Variants in SHTN1 observed in about 807,000 individuals in gnomAD.
SHTN1 encodes the protein shootin 1.
In SHTN1, 42 loss-of-function variants were observed where a neutral mutation model predicts 83.1. The observed-to-expected ratio is 0.51, with a 90% CI of 0.39 to 0.65. The LOEUF (loss-of-function observed/expected upper bound fraction) is 0.65, where lower values mean the gene tolerates loss of function less well. Ranked by LOEUF, SHTN1 falls within the 30% of genes least tolerant of loss-of-function variation. The pLI, the probability that SHTN1 is intolerant of heterozygous loss-of-function variation, is 0.00. For missense variants in SHTN1, 622 were observed against 737.8 expected, an observed-to-expected ratio of 0.84 and a Z score of 1.82; for synonymous variants, 224 against 247.7, an observed-to-expected ratio of 0.90 and a Z score of 0.90.
At chr10:116,978,223 G>C (rs937521542) in intron 2 of SHTN1, among the ~76,000 whole-genome samples, 1 of 152,070 alleles carries the variant, frequency 6.6e-6, no homozygotes, top group Non-Finnish European at 1.5e-5. Flanking sequence ...TAGTGAAAAA[G>C]TTAAATATAA....
rs369719792 is a variant in SHTN1 at position 116,974,630 on chromosome 10, A to T, written c.111+4626T>A. 5.9e-5 allele frequency among the ~76,000 whole-genome samples: 9 copies of T among 152,300 alleles called. No homozygotes were observed. The East Asian group carries it at 9.6e-4, about 16-fold the overall frequency. ...CAGTAGCTCACCCAAACGACTTCTA[A>T]TCAGCCACTTAAACATTTATGCATT... On this transcript the variant is annotated intron_variant, in intron 2 of 16. Coordinates refer to ENST00000355371, the MANE Select transcript of SHTN1 (RefSeq NM_001127211.3).
At position 116,960,339 on chromosome 10, in the gene SHTN1, GACCTTTAGCTATC is replaced by G; in HGVS notation, c.173-122_173-110del. On this transcript the variant is annotated intron_variant, in intron 3 of 16. Coordinates refer to ENST00000355371, the MANE Select transcript of SHTN1 (RefSeq NM_001127211.3). ...AATACTTCAATTCTTTGGCTAGCCA[GACCTTTAGCTATC>G]ACTGAAAAAAGGTTTTTGAGAAGCT... is the stretch of plus-strand genomic sequence containing the variant. 6.3e-6 allele frequency: 4 copies of G among 629,952 alleles called. No individual in the cohort carries two copies. In the South Asian group the frequency reaches 8.3e-5, roughly 13 times the overall value. 39.0% of individuals were successfully genotyped at this position (629,952 alleles called of 1,614,324 possible).
chr10:116,928,329 A>C (rs1848820100), intron 10 of SHTN1, among the ~76,000 whole-genome samples: 1 of 152,176 alleles, frequency 6.6e-6, no homozygotes, highest in Non-Finnish European at 1.5e-5. Flanking sequence ...CCCCTGCTTA[A>C]TTTCCTTCAA....
chr10:117,028,789 AG>A (rs1231845217), intron 2 of SHTN1, among the ~76,000 whole-genome samples: 1 of 152,194 alleles, frequency 6.6e-6, no homozygotes, highest in Non-Finnish European at 1.5e-5. Flanking sequence ...CAGAGGATGC[AG>A]GAAAAAGCCT....
intron 2 of SHTN1, among the ~76,000 whole-genome samples, chr10:117,034,606 A>C (rs1176302823): frequency 6.6e-6 from 1 of 151,956 alleles, no homozygotes; most frequent in Non-Finnish European, 1.5e-5. Flanking sequence ...GTACCACTGA[A>C]CTCTAGCCTG....
intron 8 of SHTN1, among the ~76,000 whole-genome samples, chr10:116,944,627 G>A (rs891466461): frequency 1.3e-5 from 2 of 152,216 alleles, no homozygotes; most frequent in South Asian, 2.1e-4. Flanking sequence ...GGCTGGGCAC[G>A]GTGGCTCACT....
chr10:116,991,894 C>T (rs1327555459), intron 1 of SHTN1, among the ~76,000 whole-genome samples: 1 of 152,162 alleles, frequency 6.6e-6, no homozygotes, highest in Admixed American at 6.5e-5. Flanking sequence ...GTAATCCCAG[C>T]ACTTTGGGAG....
intron 16 of SHTN1, among the ~76,000 whole-genome samples, chr10:116,900,001 T>C (rs1847674460): frequency 6.6e-6 from 1 of 152,356 alleles, no homozygotes; most frequent in Admixed American, 6.5e-5. Flanking sequence ...GGTTTAAACA[T>C]TAAATGAATG....
At position 116,881,616 on chromosome 10, in the gene SHTN1, T is replaced by C; in HGVS notation, c.*4728A>G. ...GGCTAGGGAGCCGCTGGTGCCCACC[T>C]TCCCCACACAAGGTGTAGAGGAATC... On this transcript the variant is annotated 3_prime_UTR_variant, in exon 17 of 17. Transcript: ENST00000355371. 1 of 1,550,432 alleles carries C rather than the reference T, an allele frequency of 6.4e-7. No individual in the cohort carries two copies. Among genetic ancestry groups the C allele is most frequent in the Non-Finnish European group, 8.7e-7 (1 of 1,146,910 alleles).
At chr10:117,016,215 A>C (rs1465002028) in intron 2 of SHTN1, among the ~76,000 whole-genome samples, 1 of 152,148 alleles carries the variant, frequency 6.6e-6, no homozygotes, top group Non-Finnish European at 1.5e-5. Flanking sequence ...ACATAACCTT[A>C]TTGGATAATA....
intron 1 of SHTN1, among the ~76,000 whole-genome samples, chr10:117,095,126 G>A (rs1222971585): frequency 6.6e-6 from 1 of 152,162 alleles, no homozygotes; most frequent in Non-Finnish European, 1.5e-5. Context: ...GAGGAAATTA[G>A]AACAGACCAG....
At chr10:117,124,086 C>T (rs564781248) in intron 1 of SHTN1, among the ~76,000 whole-genome samples, 1 of 151,936 alleles carries the variant, frequency 6.6e-6, no homozygotes, top group Non-Finnish European at 1.5e-5. Context: ...TGGTGCATGC[C>T]TGCAGTCCCA....
intron 1 of SHTN1, among the ~76,000 whole-genome samples, chr10:117,065,891 GAA>G (rs1421602490): frequency 4.2e-5 from 4 of 94,248 alleles, no homozygotes; most frequent in African/African-American, 1.5e-4. Flanking sequence ...GTGGGGAGGG[GAA>G]GGGAGGGGAG....
intron 1 of SHTN1, among the ~76,000 whole-genome samples, chr10:117,109,230 AC>A (rs1450217982): frequency 6.6e-6 from 1 of 151,666 alleles, no homozygotes; most frequent in East Asian, 1.9e-4. Context: ...TCTGAAGACC[AC>A]CCCCCACCAC....
intron 12 of SHTN1, among the ~76,000 whole-genome samples, chr10:116,916,729 T>C (rs1848397579): frequency 6.6e-6 from 1 of 152,158 alleles, no homozygotes; most frequent in Non-Finnish European, 1.5e-5. Context: ...TGTAAGCGCC[T>C]AGGGGAGCAA....
At position 117,074,353 on chromosome 10, in the gene SHTN1, T is replaced by C. The variant is rs77300462; in HGVS notation, c.-188-25843A>G. Among the ~76,000 whole-genome samples, 425 of 152,292 alleles carry C rather than the reference T, an allele frequency of 2.8e-3. 2 individuals are homozygous for C. The highest frequency in any genetic ancestry group is 9.9e-3 in the African/African-American group (411 of 41,570). On this transcript the variant is annotated intron_variant, in intron 1 of 17. Transcript: ENST00000392901. ...AATTCATAGCCATAGCACCTCCAAT[T>C]CTTCTCATTCATCAGTACCCAACTG...
At position 116,904,721 on chromosome 10, in the gene SHTN1, A is replaced by G. The variant is rs377315538; in HGVS notation, c.1480+1906T>C. On this transcript the variant is annotated intron_variant, in intron 15 of 16. Coordinates refer to ENST00000355371, the MANE Select transcript of SHTN1 (RefSeq NM_001127211.3). Reference sequence around the variant, plus strand: ...TACTCTGAATTATTCAAATTTCTATATTAACTAAAATAAAAACCTTTGCTC... The same window carrying G: ...TACTCTGAATTATTCAAATTTCTATGTTAACTAAAATAAAAACCTTTGCTC... 9.8e-5 allele frequency among the ~76,000 whole-genome samples: 15 copies of G among 152,340 alleles called. No individual in the cohort carries two copies. The East Asian group carries it at 2.5e-3, about 25-fold the overall frequency.
chr10:117,032,053 TA>T (rs34752538), intron 2 of SHTN1, among the ~76,000 whole-genome samples: 7 of 151,688 alleles, frequency 4.6e-5, no homozygotes, highest in African/African-American at 1.7e-4. Flanking sequence ...ATAAAGGGAT[TA>T]AAAAAAATTC....
rs1256319671 is a variant in SHTN1 at position 116,927,865 on chromosome 10, G to T, written c.1039C>A (p.Gln347Lys). 1 of 1,612,148 alleles carries T rather than the reference G, an allele frequency of 6.2e-7. No individual in the cohort carries two copies. The highest frequency in any genetic ancestry group is 8.5e-7 in the Non-Finnish European group (1 of 1,179,208). The change falls in exon 11 of 17, where the codon CAG becomes AAG. Residue 347 changes from glutamine (Q) to lysine (K), a missense_variant. By Grantham distance (53) the Gln-to-Lys change is moderately conservative. Around this residue, in one of 3 missense-constraint regions of SHTN1, gnomAD observed 383 missense variants for 455.8 expected, o/e 0.84. Coordinates refer to ENST00000355371, the MANE Select transcript of SHTN1 (RefSeq NM_001127211.3). ...GGTGGAGGTACTGAATTCTCAGACT[G>T]GTTCACTCGTTTCTGGAGTTCATCA... ...SVDELQKRVN[Q>K]SENSVPPPPP... is the part of the protein sequence containing the mutation.
Sources: allele counts gnomAD v4.1 joint callset (sites outside exome capture counted in the v4.1 genomes callset), GRCh38; gene constraint gnomAD v4.1.1; regional missense constraint gnomAD v4.1.1; transcripts MANE v1.5; gene names NCBI Gene and HGNC (gene_info 2026-07-23, HGNC 2026-07-21).